Variants in HSPG2 observed in about 807,000 individuals in gnomAD.
The protein encoded by HSPG2 is basement membrane-specific heparan sulfate proteoglycan core protein.
In HSPG2, 278 loss-of-function variants were observed where a neutral mutation model predicts 526.6. The ratio of observed to expected loss-of-function variants is 0.53; its 90% CI spans 0.48 to 0.58. The LOEUF (loss-of-function observed/expected upper bound fraction) is 0.58, where lower values mean the gene tolerates loss of function less well. Among genes scored for constraint, HSPG2 ranks in the 20% least tolerant of loss-of-function variants. HSPG2 has a pLI of 0.00. For synonymous variants in HSPG2, 2,465 were observed against 2,555.4 expected, an observed-to-expected ratio of 0.96 and a Z score of 1.07; for missense variants, 5,354 against 6,099.5, an observed-to-expected ratio of 0.88 and a Z score of 4.07.
intron 1 of HSPG2, among the ~76,000 whole-genome samples, chr1:21,909,109 A>C (rs1255277556): frequency 1.3e-5 from 2 of 152,206 alleles, no homozygotes; most frequent in African/African-American, 4.8e-5. Flanking sequence ...CTCCATCTCA[A>C]AAAACAAAAA....
At chr1:21,875,239 G>A in intron 25 of HSPG2, 1 of 609,122 alleles carries the variant, frequency 1.6e-6, no homozygotes, top group East Asian at 2.8e-5. Context: ...TTCCCCTGGG[G>A]TCCCCAATGA....
intron 1 of HSPG2, among the ~76,000 whole-genome samples, chr1:21,910,054 C>T (rs1643581224): frequency 6.6e-6 from 1 of 152,216 alleles, no homozygotes; most frequent in South Asian, 2.1e-4. Context: ...AGAAATGCCA[C>T]CGCACCATAT....
intron 9 of HSPG2, 130 bp from the exon 10 acceptor site, chr1:21,885,581 A>C: frequency 9.9e-7 from 1 of 1,011,238 alleles, no homozygotes; most frequent in East Asian, 2.6e-5. Context: ...CTGCTGCACA[A>C]CACTGTCCAA....
At chr1:21,869,488 A>G (rs1640484564) in intron 33 of HSPG2, 12 of 987,640 alleles carry the variant, frequency 1.2e-5, no homozygotes, top group Non-Finnish European at 1.4e-5. Flanking sequence ...TGAGAAAGAC[A>G]GAGAAGCTGA....
intron 50 of HSPG2, chr1:21,853,952 C>T (rs1356719940): frequency 1.9e-6 from 1 of 532,050 alleles, no homozygotes; most frequent in Admixed American, 3.2e-5. Context: ...AGTATTCAAC[C>T]TGGACATTCT....
Position 21,839,058 on chromosome 1 carries a change from T to C in HSPG2, c.9917A>G (p.Glu3306Gly). Residue 3306 changes from glutamate (E) to glycine (G), a missense_variant, in exon 74 of 97, where the codon GAG becomes GGG. Coordinates refer to ENST00000374695, the MANE Select transcript of HSPG2 (RefSeq NM_005529.7). This position sits in a 1 kb window ranked among gnomAD's most constrained non-coding sequence, Gnocchi z 4.5. Reference protein sequence around the residue: ...ESPPYATTVPEHASVQAGETV... With the variant: ...ESPPYATTVPGHASVQAGETV... ...CTCCCCTGCCTGCACCGAAGCGTGC[T>C]CTGGGACCGTGGTGGCATATGGTGG... is the stretch of plus-strand genomic sequence containing the variant. The C allele has an allele frequency of 6.3e-7, 1 of 1,590,908 alleles. No homozygotes were observed. Among genetic ancestry groups the C allele is most frequent in the Non-Finnish European group, 8.6e-7 (1 of 1,163,066 alleles).
chr1:21,927,634 C>A (rs1644240217), intron 1 of HSPG2, among the ~76,000 whole-genome samples: 1 of 152,182 alleles, frequency 6.6e-6, no homozygotes, highest in South Asian at 2.1e-4. Flanking sequence ...ACCAACTGCA[C>A]ACATCTGGGA....
chr1:21,829,594 C>G lies in HSPG2; in HGVS notation c.11781G>C (p.Val3927=). ...CAGCACCCGACAGCGAGGGGGTGGT[C>G]ACTGTCACACCTGCAGCAGCCACAG... ...SGLRCEEGVT[V]TTPSLSGAGS... Residue 3927 remains valine, a synonymous_variant, in exon 87 of 97, where the codon GTG becomes GTC. Transcript: ENST00000374695. 4 of 1,605,252 alleles carry G rather than the reference C, an allele frequency of 2.5e-6. No individual in the cohort carries two copies. The highest frequency in any genetic ancestry group is 3.4e-6 in the Non-Finnish European group (4 of 1,175,006).
In HSPG2 at chr1:21,847,703, G is replaced by C. The variant is rs771933999; in HGVS notation, c.8011C>G (p.Pro2671Ala). Residue 2671 changes from proline to alanine, a missense_variant, in exon 61 of 97, where the codon CCC (proline) becomes GCC (alanine). Coordinates refer to ENST00000374695, the MANE Select transcript of HSPG2 (RefSeq NM_005529.7). This position sits in a 1 kb window ranked among gnomAD's most constrained non-coding sequence, Gnocchi z 4.1. ...CCACTCTGTACCTGGTGTCGGGAGG[G>C]AAGGCTGCCCCCACGCTTGTACCAT... ...ITWYKRGGSL[P>A]SRHQTHGSHL... 2.9e-5 allele frequency: 46 copies of C among 1,609,362 alleles called. No homozygotes were observed. The East Asian group carries it at 1.0e-3, about 36-fold the overall frequency.
chr1:21,901,247 C>T (rs1447972551), intron 1 of HSPG2, among the ~76,000 whole-genome samples: 2 of 151,916 alleles, frequency 1.3e-5, no homozygotes, highest in African/African-American at 2.4e-5. Context: ...AGGTAAGGCA[C>T]TTAGTGAGGC....
rs996607608 is a variant in HSPG2, at chr1:21,847,746, C to A, written c.7968G>T (p.Gln2656His). ...TLDLNCVVAR[Q>H]PQAIITWYKR... Reference sequence around the variant, plus strand: ...TGTACCATGTGATGATAGCCTGGGGCTGCCTGGCGACCACGCAGTTCAGAT... The same window carrying A: ...TGTACCATGTGATGATAGCCTGGGGATGCCTGGCGACCACGCAGTTCAGAT... The change falls in exon 61 of 97, where the codon CAG (glutamine) becomes CAT (histidine). Residue 2656 changes from glutamine to histidine, a missense_variant. Transcript: ENST00000374695. This position sits in a 1 kb window ranked among gnomAD's most constrained non-coding sequence, Gnocchi z 4.1. The A allele has an allele frequency of 2.5e-6, 4 of 1,612,856 alleles. No homozygotes were observed. The highest frequency in any genetic ancestry group is 3.3e-5 in the Admixed American group (2 of 59,894).
Position 21,893,635 on chromosome 1 carries a change from G to A in HSPG2, c.244+2287C>T, listed in dbSNP as rs1030224866. 3.9e-5 allele frequency among the ~76,000 whole-genome samples: 6 copies of A among 152,122 alleles called. No homozygotes were observed. Among genetic ancestry groups the A allele is most frequent in the South Asian group, 2.1e-4 (1 of 4,820 alleles). ...GCTCCGAGACCATCATGCCAGCCAC[G>A]GGCGGGCGGCCCAGGGGCTGCCCTG... On this transcript the variant is annotated intron_variant, in intron 3 of 96. Coordinates refer to ENST00000374695, the MANE Select transcript of HSPG2 (RefSeq NM_005529.7). This position sits in a 1 kb window ranked among gnomAD's most constrained non-coding sequence, Gnocchi z 4.3.
At chr1:21,852,302 C>G in intron 52 of HSPG2, 69 bp from the exon 53 acceptor site, 1 of 1,586,114 alleles carries the variant, frequency 6.3e-7, no homozygotes, top group Non-Finnish European at 8.6e-7. Flanking sequence ...GTTGCCCACC[C>G]TGCAGCTAGC....
At position 21,823,714 on chromosome 1, in the gene HSPG2, C is replaced by T. The variant is rs769093202; in HGVS notation, c.12905G>A (p.Gly4302Asp). The T allele has an allele frequency of 2.5e-6, 4 of 1,613,194 alleles. No homozygotes were observed. Among genetic ancestry groups the T allele is most frequent in the Non-Finnish European group, 3.4e-6 (4 of 1,179,806 alleles). The change falls in exon 96 of 97, where the codon GGC becomes GAC. Residue 4302 changes from glycine to aspartate, a missense_variant. Gly to Asp is a moderately conservative substitution (Grantham distance 94). Coordinates refer to ENST00000374695, the MANE Select transcript of HSPG2 (RefSeq NM_005529.7). ...GTCGACTTGGATGGAACCTCTGCGG[C>T]CCTCCCTGCAGTGGAACTGGGTCAG... The part of the protein sequence containing the change: ...EWHRVTALRE[G>D]RRGSIQVDGE...
rs747371443 is a variant in HSPG2 at position 21,847,503 on chromosome 1, G to A, written c.8026-11C>T. On this transcript the variant is annotated splice_polypyrimidine_tract_variant and intron_variant, in intron 61 of 96. Coordinates refer to ENST00000374695, the MANE Select transcript of HSPG2 (RefSeq NM_005529.7). This position sits in a 1 kb window ranked among gnomAD's most constrained non-coding sequence, Gnocchi z 4.1. ...GTGGGAGCCATGGGTCTGGACGTGCGGATGGGGAAGGAGAGGGAGAGGGAG... is the reference window on the plus strand; with the variant it reads ...GTGGGAGCCATGGGTCTGGACGTGCAGATGGGGAAGGAGAGGGAGAGGGAG... 7.4e-6 allele frequency: 12 copies of A among 1,613,550 alleles called. No homozygotes were observed. In the East Asian group the frequency reaches 1.6e-4, roughly 21 times the overall value.
chr1:21,826,227 A>G (rs571327295), intron 91 of HSPG2, among the ~76,000 whole-genome samples: 7 of 151,868 alleles, frequency 4.6e-5, no homozygotes, highest in Non-Finnish European at 1.0e-4. Flanking sequence ...GTGCCACCAC[A>G]CCCAGCTAAT....
chr1:21,913,442 C>T (rs554641241), intron 1 of HSPG2, among the ~76,000 whole-genome samples: 7 of 152,330 alleles, frequency 4.6e-5, no homozygotes, highest in Non-Finnish European at 8.8e-5. Flanking sequence ...TAAATCTCCC[C>T]GCTGCCTGTC....
In HSPG2 at chr1:21,859,783, C is replaced by T; in HGVS notation, c.5182+52G>A. On this transcript the variant is annotated intron_variant, in intron 41 of 96. Transcript: ENST00000374695. This position sits in a 1 kb window ranked among gnomAD's most constrained non-coding sequence, Gnocchi z 5.3. ...CTAGGGCAGGGACAGGCCCCTGCCT[C>T]CCCTCCCACTGGGATGGCTCTTGGG... is the stretch of plus-strand genomic sequence containing the variant. 6.2e-7 allele frequency: 1 copy of T among 1,602,154 alleles called. No homozygotes were observed. The highest frequency in any genetic ancestry group is 8.5e-7 in the Non-Finnish European group (1 of 1,175,194).
chr1:21,864,387 A>G lies in HSPG2; in HGVS notation c.4627-174T>C, dbSNP rs1018340871. ...GTCCTCCCACCCACGGCCCTCTCCCAGTCCACACTGTTCACCTCTGGGAGG... is the reference window on the plus strand; with the variant it reads ...GTCCTCCCACCCACGGCCCTCTCCCGGTCCACACTGTTCACCTCTGGGAGG... On this transcript the variant is annotated intron_variant, in intron 36 of 96. Transcript: ENST00000374695. This position sits in a 1 kb window ranked among gnomAD's most constrained non-coding sequence, Gnocchi z 4.8. Among the ~76,000 whole-genome samples the G allele has an allele frequency of 1.3e-5, 2 of 151,956 alleles. No individual in the cohort carries two copies. The highest frequency in any genetic ancestry group is 4.8e-5 in the African/African-American group (2 of 41,356).
Sources: allele counts gnomAD v4.1 joint callset (sites outside exome capture counted in the v4.1 genomes callset), GRCh38; gene constraint gnomAD v4.1.1; non-coding constraint Gnocchi (gnomAD v3.1); transcripts MANE v1.5; gene names NCBI Gene and HGNC (gene_info 2026-07-23, HGNC 2026-07-21).